Variants in FAF2 observed in about 807,000 individuals in gnomAD.
FAF2 encodes the protein FAS-associated factor 2.
A neutral mutation model predicts 62.3 loss-of-function variants in FAF2; 9 were observed. The observed-to-expected ratio is 0.14, with a 90% CI of 0.09 to 0.25. The LOEUF (loss-of-function observed/expected upper bound fraction) is 0.25, where lower values mean the gene tolerates loss of function less well. Among genes scored for constraint, FAF2 ranks in the 10% least tolerant of loss-of-function variants. The pLI is 1.00. For missense variants in FAF2, 368 were observed against 556.2 expected (o/e 0.66, Z 3.40); for synonymous variants, 202 against 198.0 (o/e 1.02, Z -0.17).
intron 10 of FAF2, among the ~76,000 whole-genome samples, chr5:176,503,172 T>C (rs1179368400): frequency 6.6e-6 from 1 of 152,220 alleles, no homozygotes; most frequent in Non-Finnish European, 1.5e-5. Context: ...AATGTAGCAG[T>C]GCCCTGGTGG....
chr5:176,470,592 G>A (rs1453682334), intron 1 of FAF2, among the ~76,000 whole-genome samples: 12 of 152,152 alleles, frequency 7.9e-5, no homozygotes, highest in Non-Finnish European at 2.9e-5. Context: ...ACATATAAAT[G>A]AATAAATAAA....
Position 176,492,277 on chromosome 5 carries a change from T to A in FAF2, c.428T>A (p.Phe143Tyr), listed in dbSNP as rs376749446. The A allele has an allele frequency of 6.2e-7, 1 of 1,614,004 alleles. No homozygotes were observed. Among genetic ancestry groups the A allele is most frequent in the Non-Finnish European group, 8.5e-7 (1 of 1,180,018 alleles). ...VGDIVSFMHS[F>Y]EEKYGRAHPV... ...GACATTGTTTCATTTATGCACTCTT[T>A]TGAAGAGAAATATGGGAGGGCACAC... is the stretch of plus-strand genomic sequence containing the variant. Residue 143 changes from phenylalanine to tyrosine, a missense_variant, in exon 5 of 11, where the codon TTT (phenylalanine) becomes TAT (tyrosine). Physicochemically the swap from Phe to Tyr is conservative, Grantham distance 22. This residue lies in a region of FAF2 where 331 missense variants were observed against 441.9 expected (regional missense o/e 0.75). Transcript: ENST00000261942.
At position 176,507,155 on chromosome 5, in the gene FAF2, G is replaced by A. The variant is rs1755698035; in HGVS notation, c.*205G>A. On this transcript the variant is annotated 3_prime_UTR_variant, in exon 11 of 11. Coordinates refer to ENST00000261942, the MANE Select transcript of FAF2 (RefSeq NM_014613.3). ...CCCGTAAGAGTCACAACCTGTGTGTGCGCGCAAGGTTAGCAACAAACGTAC... is the reference window on the plus strand; with the variant it reads ...CCCGTAAGAGTCACAACCTGTGTGTACGCGCAAGGTTAGCAACAAACGTAC... 4 of 357,292 alleles carry A rather than the reference G, an allele frequency of 1.1e-5. No homozygotes were observed. Among genetic ancestry groups the A allele is most frequent in the Non-Finnish European group, 1.5e-5 (3 of 196,506 alleles). 22.1% of individuals were successfully genotyped at this position (357,292 alleles called of 1,614,324 possible).
Position 176,494,061 on chromosome 5 carries a change from C to T in FAF2, c.546C>T (p.His182=). 9.9e-6 allele frequency: 16 copies of T among 1,613,852 alleles called. No individual in the cohort carries two copies. Among genetic ancestry groups the T allele is most frequent in the Non-Finnish European group, 1.4e-5 (16 of 1,179,792 alleles). Residue 182 remains histidine (H), a synonymous_variant, in exon 6 of 11, where the codon CAC becomes CAT. Transcript: ENST00000261942. The surrounding 1 kb of genome is among the most constrained non-coding windows in gnomAD (Gnocchi z 4.0). Reference sequence around the variant, plus strand: ...TGGTTTATCTTCATGGAGATGATCACCAGGACTCTGATGAGTTTTGTCGGT... The same window carrying T: ...TGGTTTATCTTCATGGAGATGATCATCAGGACTCTGATGAGTTTTGTCGGT... ...FLLVYLHGDD[H]QDSDEFCRNT...
intron 3 of FAF2, among the ~76,000 whole-genome samples, chr5:176,488,271 C>T (rs1442137549): frequency 6.6e-6 from 1 of 152,082 alleles, no homozygotes; most frequent in Non-Finnish European, 1.5e-5. Flanking sequence ...AGCCACCAAG[C>T]CTGGCTTATT....
chr5:176,471,645 A>G (rs1340759735), intron 1 of FAF2, among the ~76,000 whole-genome samples: 6 of 149,622 alleles, frequency 4.0e-5, no homozygotes, highest in Non-Finnish European at 8.9e-5. Context: ...GGCCTCCCAA[A>G]GTGCTGGGAT....
chr5:176,448,586 C>T lies in FAF2; in HGVS notation c.63+116C>T, dbSNP rs557591287. Reference sequence around the variant, plus strand: ...GATCCTTCTCAGACCAGCAGGCCGGCCCCCTCCCCCCCAGACTCCAACTGC... The same window carrying T: ...GATCCTTCTCAGACCAGCAGGCCGGTCCCCTCCCCCCCAGACTCCAACTGC... On this transcript the variant is annotated intron_variant, in intron 1 of 10. Coordinates refer to ENST00000261942, the MANE Select transcript of FAF2 (RefSeq NM_014613.3). 64 of 1,020,484 alleles carry T rather than the reference C, an allele frequency of 6.3e-5. No individual in the cohort carries two copies. The African/African-American group carries it at 6.4e-4, about 10-fold the overall frequency. 63.2% of individuals were successfully genotyped at this position (1,020,484 alleles called of 1,614,324 possible). A position where few individuals can be genotyped will look rare whatever the true frequency, so the allele number is the denominator to read the frequency against.
At chr5:176,497,730 A>G (rs1755523129) in intron 8 of FAF2, among the ~76,000 whole-genome samples, 1 of 152,202 alleles carries the variant, frequency 6.6e-6, no homozygotes, top group Non-Finnish European at 1.5e-5. Context: ...GGGTGAGACA[A>G]TCAATATAAG....
chr5:176,506,213 A>C (rs1262159539), intron 10 of FAF2, among the ~76,000 whole-genome samples: 1 of 151,796 alleles, frequency 6.6e-6, no homozygotes, highest in African/African-American at 2.4e-5. Context: ...AAAACAAAAA[A>C]AAAAAACTGG....
intron 2 of FAF2, among the ~76,000 whole-genome samples, 153 bp from the exon 3 acceptor site, chr5:176,486,202 G>T (rs780883903): frequency 6.2e-4 from 95 of 152,268 alleles, no homozygotes; most frequent in Non-Finnish European, 1.2e-3. Context: ...AAGTACAGCC[G>T]GTTAACAGGC....
intron 1 of FAF2, among the ~76,000 whole-genome samples, chr5:176,473,191 C>T (rs1325440412): frequency 1.3e-5 from 2 of 152,112 alleles, no homozygotes; most frequent in African/African-American, 4.8e-5. Context: ...TACTACATGC[C>T]ATTTAGTAGT....
chr5:176,486,215 A>T (rs1758871592), intron 2 of FAF2, 140 bp from the exon 3 acceptor site: 2 of 969,960 alleles, frequency 2.1e-6, no homozygotes, highest in Admixed American at 5.3e-5. Context: ...TAACAGGCCC[A>T]TGAAGGTGCA....
At chr5:176,450,591 T>A (rs986576059) in intron 1 of FAF2, among the ~76,000 whole-genome samples, 9 of 151,850 alleles carry the variant, frequency 5.9e-5, no homozygotes, top group Non-Finnish European at 1.3e-4. Context: ...TTCGCTCTTG[T>A]TGCCCAGGCT....
At chr5:176,501,820 C>T (rs952871841) in intron 10 of FAF2, among the ~76,000 whole-genome samples, 8 of 152,154 alleles carry the variant, frequency 5.3e-5, no homozygotes, top group African/African-American at 1.9e-4. Flanking sequence ...GTGGCACTGT[C>T]GCAGCTCGCT....
intron 1 of FAF2, 73 bp downstream of exon 1, chr5:176,448,543 C>T (rs1257788260): frequency 5.6e-6 from 8 of 1,436,076 alleles, no homozygotes; most frequent in Non-Finnish European, 7.6e-6. Context: ...GTTCAGAACC[C>T]TCCTCAGATT....
intron 4 of FAF2, among the ~76,000 whole-genome samples, chr5:176,489,303 C>A (rs1012484493): frequency 1.7e-5 from 2 of 118,966 alleles, no homozygotes; most frequent in Non-Finnish European, 1.8e-5. Flanking sequence ...CCCCCCCCCA[C>A]CATATTTGTC....
chr5:176,471,362 C>T (rs1441894549), intron 1 of FAF2, among the ~76,000 whole-genome samples: 1 of 147,746 alleles, frequency 6.8e-6, no homozygotes, highest in African/African-American at 2.5e-5. Context: ...ATTCTCATCC[C>T]TCTCTGTACA....
chr5:176,451,262 TA>T (rs1445596846), intron 1 of FAF2, among the ~76,000 whole-genome samples: 1 of 152,050 alleles, frequency 6.6e-6, no homozygotes, highest in Non-Finnish European at 1.5e-5. Context: ...TCCCAGCTAC[TA>T]GGGGGGCTGA....
intron 8 of FAF2, among the ~76,000 whole-genome samples, chr5:176,498,042 AG>A (rs1462897863): frequency 6.6e-6 from 1 of 152,154 alleles, no homozygotes; most frequent in Admixed American, 6.5e-5. Context: ...CTGAGGTGGC[AG>A]GATTGCTTTA....
Sources: gnomAD v4.1 joint callset for allele counts (sites outside exome capture counted in the v4.1 genomes callset) on GRCh38, gnomAD v4.1.1 for gene constraint, gnomAD v4.1.1 regional missense constraint, Gnocchi (gnomAD v3.1) non-coding constraint, MANE v1.5 for transcripts, NCBI Gene and HGNC (gene_info 2026-07-23, HGNC 2026-07-21) for gene names.